The following ATRNL1 variants were observed in gnomAD, a reference collection of about 807,000 sequenced individuals.
The protein encoded by ATRNL1 is attractin like 1.
ATRNL1 carries 95 observed loss-of-function variants against 182.7 expected under a neutral mutation model. The ratio of observed to expected loss-of-function variants is 0.52; its 90% CI spans 0.44 to 0.62. The LOEUF (loss-of-function observed/expected upper bound fraction) is 0.62. Ranked by LOEUF, ATRNL1 falls within the 20% of genes least tolerant of loss-of-function variation. The probability of loss-of-function intolerance (pLI) is 0.00; values close to 1 mark genes in which losing one functional copy is unlikely to be tolerated. For synonymous variants in ATRNL1, 576 were observed against 568.3 expected (o/e 1.01, Z -0.19); for missense variants, 1,471 against 1,679.5 (o/e 0.88, Z 2.17).
At chr10:115,271,890 G>C (rs936925307) in intron 13 of ATRNL1, among the ~76,000 whole-genome samples, 3 of 151,558 alleles carry the variant, frequency 2.0e-5, no homozygotes, top group Admixed American at 1.3e-4. Flanking sequence ...TCTTGGAGGT[G>C]GGGCTTGGTA....
chr10:115,566,264 A>G (rs1251974700), intron 26 of ATRNL1, among the ~76,000 whole-genome samples: 3 of 152,076 alleles, frequency 2.0e-5, no homozygotes, highest in Admixed American at 1.3e-4. Flanking sequence ...TCAAAGTGCA[A>G]GAAATATGCT....
At chr10:115,668,625 A>G (rs1555040434) in intron 26 of ATRNL1, among the ~76,000 whole-genome samples, 1 of 152,152 alleles carries the variant, frequency 6.6e-6, no homozygotes, top group Non-Finnish European at 1.5e-5. Flanking sequence ...TGTATGACTC[A>G]GTTCTGTGTT....
chr10:115,773,067 A>G (rs2134170752), intron 27 of ATRNL1, among the ~76,000 whole-genome samples: 1 of 152,206 alleles, frequency 6.6e-6, no homozygotes, highest in East Asian at 1.9e-4. Context: ...GAAGAAAACT[A>G]CTACGGAAGC....
At chr10:115,146,573 C>T (rs1238091480) in intron 5 of ATRNL1, among the ~76,000 whole-genome samples, 2 of 152,046 alleles carry the variant, frequency 1.3e-5, no homozygotes, top group Non-Finnish European at 2.9e-5. Flanking sequence ...TTTGTATCTT[C>T]TAACTATATG....
chr10:115,459,445 G>A (rs532042573), intron 21 of ATRNL1, among the ~76,000 whole-genome samples: 1 of 152,234 alleles, frequency 6.6e-6, no homozygotes, highest in Non-Finnish European at 1.5e-5. Context: ...CTCTGAACTG[G>A]CCCTCCTGGG....
Position 115,301,248 on chromosome 10 carries a change from G to GTA in ATRNL1, c.2630-596_2630-595dup, listed in dbSNP as rs141289534. ...AGCTTCTTGCTTTCACTTCTTTGGG[G>GTA]TATATATATATAGCCAGAAGCAGAA... On this transcript the variant is annotated intron_variant, in intron 16 of 28. Coordinates refer to ENST00000355044, the MANE Select transcript of ATRNL1 (RefSeq NM_207303.4). 2.5e-3 allele frequency among the ~76,000 whole-genome samples: 380 copies of GTA among 151,770 alleles called. 1 individual carries two copies. Among genetic ancestry groups the GTA allele is most frequent in the Middle Eastern group, 0.014 (4 of 294 alleles).
At chr10:115,461,064 C>T (rs1847772273) in intron 21 of ATRNL1, among the ~76,000 whole-genome samples, 2 of 151,896 alleles carry the variant, frequency 1.3e-5, no homozygotes, top group Admixed American at 1.3e-4. Context: ...CGAATAATGC[C>T]TTAATAGTTT....
At chr10:115,421,954 C>G (rs1592633473) in intron 20 of ATRNL1, among the ~76,000 whole-genome samples, 1 of 152,052 alleles carries the variant, frequency 6.6e-6, no homozygotes. Flanking sequence ...GAAAGGACTC[C>G]CTATTCAATA....
chr10:115,292,851 T>A (rs1310153026), intron 15 of ATRNL1, among the ~76,000 whole-genome samples: 1 of 152,202 alleles, frequency 6.6e-6, no homozygotes, highest in Non-Finnish European at 1.5e-5. Flanking sequence ...CAGTGTTCTG[T>A]AAATGTCTGT....
intron 26 of ATRNL1, among the ~76,000 whole-genome samples, chr10:115,587,609 G>T (rs1400469880): frequency 2.2e-5 from 1 of 44,674 alleles, no homozygotes; most frequent in African/African-American, 5.0e-5. Context: ...TGCCTCGCCC[G>T]CTTCGGCTCG....
intron 10 of ATRNL1, among the ~76,000 whole-genome samples, chr10:115,243,831 A>G (rs996090371): frequency 6.6e-6 from 1 of 152,134 alleles, no homozygotes; most frequent in Non-Finnish European, 1.5e-5. Flanking sequence ...CAACAAAAAC[A>G]TAAAGACAGT....
chr10:115,192,950 A>G (rs1041587951), intron 8 of ATRNL1, among the ~76,000 whole-genome samples: 2 of 151,924 alleles, frequency 1.3e-5, no homozygotes, highest in Non-Finnish European at 2.9e-5. Flanking sequence ...GGATATGTTT[A>G]TCGGTTCCAG....
intron 21 of ATRNL1, among the ~76,000 whole-genome samples, chr10:115,435,654 G>A (rs1554964694): frequency 6.6e-6 from 1 of 152,130 alleles, no homozygotes; most frequent in East Asian, 1.9e-4. Context: ...CGAAGATTAT[G>A]GCTTTCGCAT....
intron 22 of ATRNL1, among the ~76,000 whole-genome samples, chr10:115,464,111 G>A (rs1469682882): frequency 3.9e-5 from 6 of 151,916 alleles, no homozygotes; most frequent in Admixed American, 2.6e-4. Context: ...TCCAGTTGAA[G>A]CCAAGAAACC....
intron 21 of ATRNL1, among the ~76,000 whole-genome samples, chr10:115,435,276 C>T (rs1020789052): frequency 2.6e-5 from 4 of 152,048 alleles, no homozygotes; most frequent in Admixed American, 6.6e-5. Context: ...TTCTCGGCCT[C>T]CCAAAGTGCT....
intron 26 of ATRNL1, among the ~76,000 whole-genome samples, chr10:115,646,036 T>TACACACACACACACACACACAC (rs58679995): frequency 5.4e-4 from 76 of 141,662 alleles, no homozygotes; most frequent in Non-Finnish European, 9.0e-4. Flanking sequence ...TTTTAAAATT[T>TACACACACACACACACACACAC]ACACACACAC....
chr10:115,809,057 T>C (rs536029650), intron 27 of ATRNL1, among the ~76,000 whole-genome samples: 6 of 152,124 alleles, frequency 3.9e-5, no homozygotes, highest in Non-Finnish European at 8.8e-5. Flanking sequence ...CTGAAGGTTT[T>C]TTTCATAAGA....
At chr10:115,214,283 TA>T in intron 8 of ATRNL1, among the ~76,000 whole-genome samples, 1 of 146,584 alleles carries the variant, frequency 6.8e-6, no homozygotes, top group Non-Finnish European at 1.5e-5. Context: ...AGGAAATGAA[TA>T]AAACTATGAA....
At position 115,600,100 on chromosome 10, in the gene ATRNL1, T is replaced by C. The variant is rs568709135; in HGVS notation, c.3795+50564T>C. Among the ~76,000 whole-genome samples the C allele has an allele frequency of 1.3e-4, 20 of 152,284 alleles. No homozygotes were observed. The East Asian group carries it at 3.5e-3, about 26-fold the overall frequency. ...TATGCAGCATGTGTGTGTGTTTTTT[T>C]CCTGTCTTCCTTCTTTGACCCATCT... On this transcript the variant is annotated intron_variant, in intron 26 of 28. Coordinates refer to ENST00000355044, the MANE Select transcript of ATRNL1 (RefSeq NM_207303.4).
Sources: gnomAD v4.1 joint callset for allele counts (sites outside exome capture counted in the v4.1 genomes callset) on GRCh38, gnomAD v4.1.1 for gene constraint, MANE v1.5 for transcripts, NCBI Gene and HGNC (gene_info 2026-07-23, HGNC 2026-07-21) for gene names.